GDA: variants seen among roughly 807,000 people sequenced by gnomAD.
GDA encodes guanine deaminase, also known as cytoplasmic PSD-95 interactor.
Under a neutral mutation model 59.6 loss-of-function variants are expected in GDA, and 18 were observed. The observed-to-expected ratio is 0.30, with a 90% CI of 0.21 to 0.45. The LOEUF (loss-of-function observed/expected upper bound fraction) is 0.45, where lower values mean the gene tolerates loss of function less well. Among genes scored for constraint, GDA ranks in the 20% least tolerant of loss-of-function variants. GDA has a pLI of 1.00. For synonymous variants in GDA, 201 were observed against 201.1 expected, an observed-to-expected ratio of 1.00 and a Z score of 0.00; for missense variants, 427 against 552.3, an observed-to-expected ratio of 0.77 and a Z score of 2.27.
chr9:72,173,228 T>C (rs1830175781), intron 1 of GDA, among the ~76,000 whole-genome samples: 1 of 152,208 alleles, frequency 6.6e-6, no homozygotes, highest in Non-Finnish European at 1.5e-5. Flanking sequence ...ATTCCTTTTA[T>C]GCTGAGTTCC....
intron 10 of GDA, among the ~76,000 whole-genome samples, chr9:72,237,818 C>T (rs1428913660): frequency 6.6e-6 from 1 of 152,042 alleles, no homozygotes; most frequent in Non-Finnish European, 1.5e-5. Context: ...CACTTCTTCC[C>T]CAGCACAATG....
chr9:72,250,735 C>T lies in GDA; in HGVS notation c.*2393C>T, dbSNP rs765827512. Reference sequence around the variant, plus strand: ...TATTTGTCACTTTTTGTTTTAATATCTTGCTCTCTGACAGGAAAGAAACAA... The same window carrying T: ...TATTTGTCACTTTTTGTTTTAATATTTTGCTCTCTGACAGGAAAGAAACAA... On this transcript the variant is annotated 3_prime_UTR_variant, in exon 14 of 14. Coordinates refer to ENST00000358399, the MANE Select transcript of GDA (RefSeq NM_004293.5). 6.2e-7 allele frequency: 1 copy of T among 1,612,068 alleles called. No individual in the cohort carries two copies. The highest frequency in any genetic ancestry group is 8.5e-7 in the Non-Finnish European group (1 of 1,179,360).
chr9:72,135,652 T>G (rs1826195218), intron 1 of GDA, among the ~76,000 whole-genome samples: 1 of 152,112 alleles, frequency 6.6e-6, no homozygotes, highest in Non-Finnish European at 1.5e-5. Context: ...ATAGTTGGCC[T>G]GGCGCGGTGA....
intron 1 of GDA, among the ~76,000 whole-genome samples, chr9:72,124,247 G>A (rs1256668561): frequency 1.3e-5 from 2 of 152,192 alleles, no homozygotes; most frequent in African/African-American, 4.8e-5. Context: ...ATTAACAGCA[G>A]TATCAAAGAA....
At chr9:72,165,545 C>T (rs781481992) in intron 1 of GDA, among the ~76,000 whole-genome samples, 8 of 151,886 alleles carry the variant, frequency 5.3e-5, no homozygotes, top group Admixed American at 2.0e-4. Context: ...TTTAAAAATG[C>T]GGTTGGTATG....
chr9:72,142,167 GTAGT>G (rs1234405123), intron 1 of GDA, among the ~76,000 whole-genome samples: 2 of 152,098 alleles, frequency 1.3e-5, no homozygotes, highest in East Asian at 3.9e-4. Flanking sequence ...GTTCTGATTG[GTAGT>G]TATTTTGGTC....
chr9:72,185,257 A>T (rs897201360), intron 1 of GDA, among the ~76,000 whole-genome samples: 6 of 152,226 alleles, frequency 3.9e-5, no homozygotes, highest in African/African-American at 1.4e-4. Context: ...GCAATCATAA[A>T]GTTTTGGAAG....
At chr9:72,131,648 G>GAC (rs146874035) in intron 1 of GDA, among the ~76,000 whole-genome samples, 34 of 151,082 alleles carry the variant, frequency 2.3e-4, no homozygotes, top group East Asian at 2.2e-3. Flanking sequence ...CACGTGCACA[G>GAC]ACACACACAC....
At chr9:72,144,504 ATACAGTCATACCCACAGTGC>A (rs1187510939), upstream of GDA, among the ~76,000 whole-genome samples, 3 of 152,248 alleles carry the variant, frequency 2.0e-5, no homozygotes, top group Non-Finnish European at 4.4e-5. Flanking sequence ...TATCTGTTTC[ATACAGTCATACCCACAGTGC>A]TTAGCATGGT....
At chr9:72,206,975 G>A (rs1249984287) in intron 3 of GDA, among the ~76,000 whole-genome samples, 1 of 151,708 alleles carries the variant, frequency 6.6e-6, no homozygotes, top group African/African-American at 2.4e-5. Context: ...TGCCTTAGCT[G>A]TAGAGAGAAT....
At chr9:72,131,395 A>G (rs1287596657) in intron 1 of GDA, among the ~76,000 whole-genome samples, 1 of 152,140 alleles carries the variant, frequency 6.6e-6, no homozygotes, top group Non-Finnish European at 1.5e-5. Flanking sequence ...TTGTAGCTAT[A>G]GAGAAATACC....
intron 2 of GDA, among the ~76,000 whole-genome samples, chr9:72,198,170 G>A (rs550124207): frequency 3.3e-5 from 5 of 152,032 alleles, no homozygotes; most frequent in South Asian, 2.1e-4. Flanking sequence ...CGAGGCAGGC[G>A]GATCACTTGA....
rs1413810054 is a variant in GDA at position 72,251,600 on chromosome 9, A to G, written c.*3258A>G. On this transcript the variant is annotated 3_prime_UTR_variant, in exon 14 of 14. Coordinates refer to ENST00000358399, the MANE Select transcript of GDA (RefSeq NM_004293.5). ...GAAGTGTTATAGGCAATGACTTGAA[A>G]TGGTTTTTAAATTGTATGGATTGTT... 1 of 152,162 alleles carries G rather than the reference A, an allele frequency of 6.6e-6. No individual in the cohort carries two copies. The highest frequency in any genetic ancestry group is 2.4e-5 in the African/African-American group (1 of 41,450). 9.4% of individuals were successfully genotyped at this position (152,162 alleles called of 1,614,324 possible). A position where few individuals can be genotyped will look rare whatever the true frequency, so the allele number is the denominator to read the frequency against.
intron 1 of GDA, among the ~76,000 whole-genome samples, chr9:72,150,964 T>C (rs755871434): frequency 2.0e-5 from 3 of 152,086 alleles, no homozygotes; most frequent in Admixed American, 1.3e-4. Context: ...GGAACGGAGA[T>C]TGCTAAACTG....
intron 1 of GDA, among the ~76,000 whole-genome samples, chr9:72,191,463 A>AG (rs375217925): frequency 1.2e-3 from 188 of 151,790 alleles, no homozygotes; most frequent in African/African-American, 4.4e-3. Flanking sequence ...GAGAAAGTAA[A>AG]GGGAAGGCTC....
At chr9:72,138,071 T>C (rs1826307628) in intron 1 of GDA, among the ~76,000 whole-genome samples, 1 of 152,126 alleles carries the variant, frequency 6.6e-6, no homozygotes, top group Non-Finnish European at 1.5e-5. Context: ...TCTGTTCCCA[T>C]ACATCTGTCT....
intron 5 of GDA, among the ~76,000 whole-genome samples, chr9:72,218,943 C>A (rs1445297151): frequency 6.6e-6 from 1 of 152,100 alleles, no homozygotes; most frequent in Non-Finnish European, 1.5e-5. Context: ...GATAACATTA[C>A]GTTTCCCTGT....
At chr9:72,190,602 A>G (rs1413708232) in intron 1 of GDA, among the ~76,000 whole-genome samples, 2 of 152,228 alleles carry the variant, frequency 1.3e-5, no homozygotes, top group African/African-American at 4.8e-5. Flanking sequence ...GTTATCGCTC[A>G]TTTTAGACTA....
At position 72,245,242 on chromosome 9, in the gene GDA, C is replaced by T; in HGVS notation, c.1230C>T (p.Asp410=). The T allele has an allele frequency of 6.2e-7, 1 of 1,610,758 alleles. No homozygotes were observed. Among genetic ancestry groups the T allele is most frequent in the East Asian group, 2.2e-5 (1 of 44,836 alleles). ...CCAAAGCATCCGACTCTCCCATTGACCTGTTTTATGGGGACTTTTTTGGTG... is the reference window on the plus strand; with the variant it reads ...CCAAAGCATCCGACTCTCCCATTGATCTGTTTTATGGGGACTTTTTTGGTG... ...INPKASDSPI[D]LFYGDFFGDI... is the part of the protein sequence containing the mutation. Residue 410 remains aspartate (D), a synonymous_variant, in exon 12 of 14, where the codon GAC becomes GAT. Coordinates refer to ENST00000358399, the MANE Select transcript of GDA (RefSeq NM_004293.5).
Sources: allele counts gnomAD v4.1 joint callset (sites outside exome capture counted in the v4.1 genomes callset), GRCh38; gene constraint gnomAD v4.1.1; transcripts MANE v1.5; gene names NCBI Gene and HGNC (gene_info 2026-07-23, HGNC 2026-07-21).